Variants in PIWIL2 observed in about 807,000 individuals in gnomAD.
PIWIL2 encodes the protein piwi like RNA-mediated gene silencing 2.
Under a neutral mutation model 116.5 loss-of-function variants are expected in PIWIL2, and 81 were observed. The observed-to-expected ratio is 0.70, with a 90% CI of 0.58 to 0.84. PIWIL2 has a LOEUF of 0.84. PIWIL2 is among the 40% of genes least tolerant of loss of function. The pLI, the probability that PIWIL2 is intolerant of heterozygous loss-of-function variation, is 0.00. For missense variants in PIWIL2, 1,272 were observed against 1,212.3 expected, an observed-to-expected ratio of 1.05 and a Z score of -0.73; for synonymous variants, 489 against 429.5, an observed-to-expected ratio of 1.14 and a Z score of -1.71.
chr8:22,291,911 AAG>A (rs1231027317), intron 10 of PIWIL2, among the ~76,000 whole-genome samples: 1 of 152,194 alleles, frequency 6.6e-6, no homozygotes, highest in Non-Finnish European at 1.5e-5. Flanking sequence ...CCATGGAAAA[AAG>A]AAAAAGAGCA....
chr8:22,279,925 C>CTG (rs1156871931), intron 2 of PIWIL2, among the ~76,000 whole-genome samples: 2 of 152,176 alleles, frequency 1.3e-5, no homozygotes, highest in African/African-American at 4.8e-5. Flanking sequence ...CCAGTGCACT[C>CTG]CAGCCTGGGC....
chr8:22,354,665 T>C (rs761487771), intron 22 of PIWIL2, among the ~76,000 whole-genome samples: 4 of 152,188 alleles, frequency 2.6e-5, no homozygotes, highest in Non-Finnish European at 4.4e-5. Flanking sequence ...CAGCCAGACT[T>C]GAGACCCAGT....
chr8:22,299,438 C>G (rs1410367879), intron 10 of PIWIL2, among the ~76,000 whole-genome samples: 2 of 152,034 alleles, frequency 1.3e-5, no homozygotes, highest in African/African-American at 4.8e-5. Context: ...GAACTCCTGA[C>G]CTCAGGTGAT....
chr8:22,304,833 C>A lies in PIWIL2; in HGVS notation c.1420C>A (p.His474Asn). The change falls in exon 12 of 23, where the codon CAC (histidine) becomes AAC (asparagine). Residue 474 changes from histidine to asparagine, a missense_variant. His to Asn is a moderately conservative substitution (Grantham distance 68, BLOSUM62 1). Transcript: ENST00000356766. ...VKEEDQPLLI[H>N]RPSERQDNHG... ...GGAAGAGGACCAGCCATTGCTGATTCACAGGCCCAGTGAGAGACAGGATAA... is the reference window on the plus strand; with the variant it reads ...GGAAGAGGACCAGCCATTGCTGATTAACAGGCCCAGTGAGAGACAGGATAA... 6.2e-7 allele frequency: 1 copy of A among 1,613,022 alleles called. No homozygotes were observed. The highest frequency in any genetic ancestry group is 1.1e-5 in the South Asian group (1 of 91,038).
chr8:22,340,536 TAAG>T (rs1832084366), intron 20 of PIWIL2, among the ~76,000 whole-genome samples: 2 of 151,966 alleles, frequency 1.3e-5, no homozygotes, highest in South Asian at 2.1e-4. Context: ...GGTATTACCT[TAAG>T]AAGACAGGGA....
chr8:22,321,133 T>G (rs1205955769), intron 20 of PIWIL2, among the ~76,000 whole-genome samples: 1 of 152,212 alleles, frequency 6.6e-6, no homozygotes, highest in Non-Finnish European at 1.5e-5. Flanking sequence ...ATAAATTTGT[T>G]TTTAAATCTA....
intron 20 of PIWIL2, among the ~76,000 whole-genome samples, chr8:22,336,041 A>G (rs1456386862): frequency 6.6e-6 from 1 of 152,218 alleles, no homozygotes; most frequent in African/African-American, 2.4e-5. Context: ...TAGGCAATTC[A>G]GCAATAGTTT....
intron 20 of PIWIL2, among the ~76,000 whole-genome samples, chr8:22,347,327 G>T (rs1283750109): frequency 6.7e-6 from 1 of 150,048 alleles, no homozygotes. Flanking sequence ...CCATTCTCCT[G>T]CCTCAGCCTC....
At chr8:22,282,608 T>G (rs1259319900) in intron 4 of PIWIL2, among the ~76,000 whole-genome samples, 1 of 152,038 alleles carries the variant, frequency 6.6e-6, no homozygotes, top group Non-Finnish European at 1.5e-5. Context: ...GTTTTTTTTT[T>G]GAAATTCGTT....
At position 22,311,101 on chromosome 8, in the gene PIWIL2, G is replaced by A. The variant is rs947930430; in HGVS notation, c.1801-11G>A. On this transcript the variant is annotated splice_polypyrimidine_tract_variant and intron_variant, in intron 15 of 22. Coordinates refer to ENST00000356766, the MANE Select transcript of PIWIL2 (RefSeq NM_018068.5). ...TTGTGAGAAATACTAAAAGCTCTTGGTTGTTCCTAGATCCCCATGCATTTC... is the reference window on the plus strand; with the variant it reads ...TTGTGAGAAATACTAAAAGCTCTTGATTGTTCCTAGATCCCCATGCATTTC... 6.3e-7 allele frequency: 1 copy of A among 1,594,870 alleles called. No homozygotes were observed. Among genetic ancestry groups the A allele is most frequent in the Non-Finnish European group, 8.5e-7 (1 of 1,170,442 alleles).
Position 22,310,041 on chromosome 8 carries a change from T to G in PIWIL2, c.1767T>G (p.Val589=). 1 of 1,607,190 alleles carries G rather than the reference T, an allele frequency of 6.2e-7. No homozygotes were observed. Among genetic ancestry groups the G allele is most frequent in the Non-Finnish European group, 8.5e-7 (1 of 1,173,706 alleles). Reference sequence around the variant, plus strand: ...TCACATCTCAGGAACTAAACTGGGTTAAGGAAGTAACCAGAGACCCTTCCA... The same window carrying G: ...TCACATCTCAGGAACTAAACTGGGTGAAGGAAGTAACCAGAGACCCTTCCA... ...SFITSQELNW[V]KEVTRDPSIL... is the part of the protein sequence containing the mutation. Residue 589 remains valine (V), a synonymous_variant, in exon 15 of 23, where the codon GTT becomes GTG. Coordinates refer to ENST00000356766, the MANE Select transcript of PIWIL2 (RefSeq NM_018068.5).
At chr8:22,334,716 G>T (rs1831940714) in intron 20 of PIWIL2, among the ~76,000 whole-genome samples, 1 of 151,920 alleles carries the variant, frequency 6.6e-6, no homozygotes. Context: ...AAAGCACTGG[G>T]ATTACAGGTA....
In PIWIL2 at chr8:22,355,693, C is replaced by G. The variant is rs968482980; in HGVS notation, c.*188C>G. 17 of 613,776 alleles carry G rather than the reference C, an allele frequency of 2.8e-5. No individual in the cohort carries two copies. In the African/African-American group the frequency reaches 2.9e-4, roughly 11 times the overall value. The allele number at this position is 613,776 out of a possible 1,614,324, so 38.0% of individuals were successfully genotyped here. ...CACCAAGAAGCAAGTTTCTGAGTAACAGCTGAAAATGGCCTTGTTGCCTGT... is the reference window on the plus strand; with the variant it reads ...CACCAAGAAGCAAGTTTCTGAGTAAGAGCTGAAAATGGCCTTGTTGCCTGT... On this transcript the variant is annotated 3_prime_UTR_variant, in exon 23 of 23. Coordinates refer to ENST00000356766, the MANE Select transcript of PIWIL2 (RefSeq NM_018068.5).
At chr8:22,349,147 C>T (rs1832295704) in intron 20 of PIWIL2, among the ~76,000 whole-genome samples, 1 of 148,482 alleles carries the variant, frequency 6.7e-6, no homozygotes, top group Admixed American at 6.8e-5. Context: ...CCCCCGGGTT[C>T]AATGCACGCC....
chr8:22,278,788 G>T (rs906432248), intron 1 of PIWIL2, among the ~76,000 whole-genome samples: 1 of 152,110 alleles, frequency 6.6e-6, no homozygotes, highest in Non-Finnish European at 1.5e-5. Flanking sequence ...CCTCCTGTCG[G>T]ATCACTGGTG....
At chr8:22,280,686 T>G (rs539002719) in intron 2 of PIWIL2, among the ~76,000 whole-genome samples, 1 of 152,334 alleles carries the variant, frequency 6.6e-6, no homozygotes, top group African/African-American at 2.4e-5. Context: ...CTGATACTCA[T>G]AAATGATCCA....
Position 22,311,315 on chromosome 8 carries a change from C to T in PIWIL2, c.1989+15C>T. ...TAGGAGCTGAGGTAAAAATGTAATT[C>T]AAATAAATTTATAGGATGTCCATTT... On this transcript the variant is annotated intron_variant, in intron 16 of 22. Transcript: ENST00000356766. 1 of 1,578,224 alleles carries T rather than the reference C, an allele frequency of 6.3e-7. No individual in the cohort carries two copies. The highest frequency in any genetic ancestry group is 8.6e-7 in the Non-Finnish European group (1 of 1,157,264).
At chr8:22,327,741 C>G (rs980431364) in intron 20 of PIWIL2, among the ~76,000 whole-genome samples, 1 of 152,114 alleles carries the variant, frequency 6.6e-6, no homozygotes, top group Admixed American at 6.5e-5. Context: ...TGTTGAACAT[C>G]CTTCATGTGC....
At chr8:22,325,994 C>T (rs1831716438) in intron 20 of PIWIL2, among the ~76,000 whole-genome samples, 1 of 152,122 alleles carries the variant, frequency 6.6e-6, no homozygotes. Context: ...TCAGAAAGAA[C>T]AGTTGTTGAT....
Sources: gnomAD v4.1 joint callset for allele counts (sites outside exome capture counted in the v4.1 genomes callset) on GRCh38, gnomAD v4.1.1 for gene constraint, MANE v1.5 for transcripts, NCBI Gene and HGNC (gene_info 2026-07-23, HGNC 2026-07-21) for gene names.